Variants in PPP3CA observed in about 807,000 individuals in gnomAD.
PPP3CA encodes protein phosphatase 3 catalytic subunit alpha.
Under a neutral mutation model 66.5 loss-of-function variants are expected in PPP3CA, and 14 were observed. That is an observed-to-expected ratio of 0.21 (90% confidence interval 0.14 to 0.33). PPP3CA has a LOEUF of 0.33. Among genes scored for constraint, PPP3CA ranks in the 10% least tolerant of loss-of-function variants. PPP3CA has a pLI of 1.00. For missense variants in PPP3CA, 317 were observed against 639.5 expected (o/e 0.50, Z 5.44); for synonymous variants, 232 against 226.2 (o/e 1.03, Z -0.23).
At chr4:101,257,742 T>G (rs1356375931) in intron 1 of PPP3CA, among the ~76,000 whole-genome samples, 1 of 152,114 alleles carries the variant, frequency 6.6e-6, no homozygotes, top group Admixed American at 6.6e-5. Flanking sequence ...AAATGTACTA[T>G]TTGTTTATTT....
intron 1 of PPP3CA, among the ~76,000 whole-genome samples, chr4:101,309,440 G>A (rs888374166): frequency 2.6e-5 from 4 of 151,700 alleles, no homozygotes; most frequent in East Asian, 3.9e-4. Context: ...ATGTTGTGAT[G>A]TAGGTTTCAT....
chr4:101,047,882 A>G (rs1348643450), intron 10 of PPP3CA, among the ~76,000 whole-genome samples: 3 of 152,110 alleles, frequency 2.0e-5, no homozygotes, highest in Non-Finnish European at 4.4e-5. Flanking sequence ...ATAGTTCACA[A>G]TTATCAACTC....
chr4:101,246,727 G>A (rs1257822650), intron 1 of PPP3CA, among the ~76,000 whole-genome samples: 1 of 152,138 alleles, frequency 6.6e-6, no homozygotes, highest in East Asian at 1.9e-4. Flanking sequence ...ATCTGTGTCT[G>A]TGTATATATG....
At chr4:101,283,772 A>T (rs566303414) in intron 1 of PPP3CA, among the ~76,000 whole-genome samples, 2 of 152,244 alleles carry the variant, frequency 1.3e-5, no homozygotes, top group African/African-American at 4.8e-5. Flanking sequence ...TATCTGATAA[A>T]TCCAGGTTGG....
chr4:101,177,080 T>C (rs1471092892), intron 2 of PPP3CA, among the ~76,000 whole-genome samples: 1 of 152,148 alleles, frequency 6.6e-6, no homozygotes, highest in African/African-American at 2.4e-5. Context: ...GAAGTTTCAT[T>C]ACGTTAACGA....
rs1730046151 is a variant in PPP3CA at position 101,347,307 on chromosome 4, G to A, written c.-511C>T. On this transcript the variant is annotated 5_prime_UTR_variant, in exon 1 of 14. Coordinates refer to ENST00000394854, the MANE Select transcript of PPP3CA (RefSeq NM_000944.5). Reference sequence around the variant, plus strand: ...GCCGCACCTTGGCGTCCCCGGCGGCGGAGAGGCGGCCGCCGCTGCTGCCGC... The same window carrying A: ...GCCGCACCTTGGCGTCCCCGGCGGCAGAGAGGCGGCCGCCGCTGCTGCCGC... The A allele has an allele frequency of 4.9e-6, 1 of 204,300 alleles. No homozygotes were observed. Among genetic ancestry groups the A allele is most frequent in the Non-Finnish European group, 9.6e-6 (1 of 104,316 alleles). 12.7% of individuals were successfully genotyped at this position (204,300 alleles called of 1,614,324 possible).
At chr4:101,275,629 C>T (rs943547244) in intron 1 of PPP3CA, among the ~76,000 whole-genome samples, 4 of 152,110 alleles carry the variant, frequency 2.6e-5, no homozygotes, top group Non-Finnish European at 4.4e-5. Flanking sequence ...ACCAAAGAAT[C>T]AAGGTCATTC....
At chr4:101,248,606 T>C (rs1179889208) in intron 1 of PPP3CA, among the ~76,000 whole-genome samples, 1 of 152,222 alleles carries the variant, frequency 6.6e-6, no homozygotes, top group Non-Finnish European at 1.5e-5. Context: ...GGTGGAAATA[T>C]AAAATCAACT....
intron 1 of PPP3CA, among the ~76,000 whole-genome samples, chr4:101,275,875 T>TG: frequency 6.7e-6 from 1 of 149,118 alleles, no homozygotes; most frequent in East Asian, 2.0e-4. Flanking sequence ...TTTTTTTGTT[T>TG]TTTGTTTGTT....
intron 1 of PPP3CA, among the ~76,000 whole-genome samples, chr4:101,306,244 C>T (rs1323717826): frequency 6.6e-6 from 1 of 152,118 alleles, no homozygotes; most frequent in Non-Finnish European, 1.5e-5. Context: ...AGAGAGGGCA[C>T]TTTTCTGTTT....
rs140339794 is a variant in PPP3CA, at chr4:101,221,789, T to C, written c.59-25673A>G. Among the ~76,000 whole-genome samples the C allele has an allele frequency of 8.0e-3, 1,208 of 151,662 alleles. 14 individuals are homozygous for C. The highest frequency in any genetic ancestry group is 0.024 in the Middle Eastern group (7 of 294). The stretch of plus-strand genomic sequence containing the variant: ...ACATACTTATTGTACAAAAATAATA[T>C]ATAACAGCATCATTTAGTAACTTTT... On this transcript the variant is annotated intron_variant, in intron 1 of 13. Coordinates refer to ENST00000394854, the MANE Select transcript of PPP3CA (RefSeq NM_000944.5).
intron 1 of PPP3CA, among the ~76,000 whole-genome samples, chr4:101,292,721 C>A (rs1728068336): frequency 6.6e-6 from 1 of 152,072 alleles, no homozygotes; most frequent in Non-Finnish European, 1.5e-5. Context: ...AGCTTTTGGT[C>A]CTTAGGATAG....
At chr4:101,047,612 A>G (rs1414704524) in intron 10 of PPP3CA, among the ~76,000 whole-genome samples, 1 of 152,162 alleles carries the variant, frequency 6.6e-6, no homozygotes, top group East Asian at 1.9e-4. Flanking sequence ...GTGCATTATA[A>G]ACTTTAAAAT....
chr4:101,116,362 T>A (rs1721838046), intron 2 of PPP3CA, among the ~76,000 whole-genome samples: 1 of 151,986 alleles, frequency 6.6e-6, no homozygotes, highest in Admixed American at 6.6e-5. Context: ...TTATGTCTAA[T>A]TCTCAGCATG....
chr4:101,059,456 G>T (rs1728366642), intron 10 of PPP3CA, among the ~76,000 whole-genome samples: 1 of 152,050 alleles, frequency 6.6e-6, no homozygotes, highest in African/African-American at 2.4e-5. Context: ...GAAAAACTAT[G>T]AGATGTTAAA....
chr4:101,299,887 C>T (rs898641408), intron 1 of PPP3CA, among the ~76,000 whole-genome samples: 1 of 152,206 alleles, frequency 6.6e-6, no homozygotes, highest in Non-Finnish European at 1.5e-5. Flanking sequence ...AGTCTTACAG[C>T]TACTTTAAAA....
At chr4:101,331,342 G>A (rs1729379510) in intron 1 of PPP3CA, among the ~76,000 whole-genome samples, 1 of 152,156 alleles carries the variant, frequency 6.6e-6, no homozygotes, top group African/African-American at 2.4e-5. Flanking sequence ...GGGAGGACAG[G>A]AAGTACTTTG....
At chr4:101,123,230 G>GA (rs1307389005) in intron 2 of PPP3CA, among the ~76,000 whole-genome samples, 1 of 152,148 alleles carries the variant, frequency 6.6e-6, no homozygotes, top group Non-Finnish European at 1.5e-5. Flanking sequence ...TAGGGCCTAG[G>GA]ATAGTGCCTG....
intron 2 of PPP3CA, among the ~76,000 whole-genome samples, chr4:101,182,879 G>C (rs1724286757): frequency 6.6e-6 from 1 of 152,038 alleles, no homozygotes. Context: ...TCCTGCACAA[G>C]CTCTCTCTTT....
Sources: allele counts gnomAD v4.1 joint callset (sites outside exome capture counted in the v4.1 genomes callset), GRCh38; gene constraint gnomAD v4.1.1; transcripts MANE v1.5; gene names NCBI Gene and HGNC (gene_info 2026-07-23, HGNC 2026-07-21).